PCDH15: variants seen among roughly 807,000 people sequenced by gnomAD.
The protein encoded by PCDH15 is protocadherin related 15, also known as protocadherin-15.
PCDH15 carries 129 observed loss-of-function variants against 178.5 expected under a neutral mutation model. That is an observed-to-expected ratio of 0.72 (90% CI 0.63 to 0.84). PCDH15 has a LOEUF of 0.84. PCDH15 is among the 40% of genes least tolerant of loss of function. The probability of loss-of-function intolerance (pLI) is 0.00; values close to 1 mark genes in which losing one functional copy is unlikely to be tolerated. For synonymous variants in PCDH15, 800 were observed against 732.0 expected (o/e 1.09, Z -1.50); for missense variants, 2,230 against 2,099.9 (o/e 1.06, Z -1.21).
chr10:53,980,274 A>C (rs193068041), intron 21 of PCDH15, among the ~76,000 whole-genome samples: 15 of 152,180 alleles, frequency 9.9e-5, no homozygotes, highest in South Asian at 2.1e-4. Flanking sequence ...CAAGGGGTAA[A>C]AGTAGACATA....
chr10:54,983,953 C>T (rs371603318), intron 2 of PCDH15, among the ~76,000 whole-genome samples: 10 of 152,064 alleles, frequency 6.6e-5, no homozygotes, highest in East Asian at 5.8e-4. Flanking sequence ...GTAGCATAAA[C>T]GCTATATATA....
chr10:55,604,166 A>C lies in PCDH15; in HGVS notation c.-156+23459T>G, dbSNP rs1378981062. On this transcript the variant is annotated intron_variant, in intron 2 of 5. Coordinates refer to the PCDH15 transcript ENST00000613346. Reference sequence around the variant, plus strand: ...ACAAAGAAGGCCATTACATAATGGTAAAGGGATCAATTCAACAAGAAGAGC... The same window carrying C: ...ACAAAGAAGGCCATTACATAATGGTCAAGGGATCAATTCAACAAGAAGAGC... 2.0e-3 allele frequency among the ~76,000 whole-genome samples: 197 copies of C among 96,464 alleles called. 2 individuals are homozygous for C. The highest frequency in any genetic ancestry group is 1.0e-3 in the African/African-American group (24 of 23,852). The allele number at this position is 96,464 out of a possible 152,430, so 63.3% of individuals were successfully genotyped here. A position where few individuals can be genotyped will look rare whatever the true frequency, so the allele number is the denominator to read the frequency against.
At chr10:55,407,233 G>GA (rs1838220023) in intron 2 of PCDH15, among the ~76,000 whole-genome samples, 1 of 151,956 alleles carries the variant, frequency 6.6e-6, no homozygotes. Context: ...TTTTAACTTA[G>GA]AAAAAATAAC....
At chr10:55,345,532 A>G (rs568444317) in intron 2 of PCDH15, among the ~76,000 whole-genome samples, 55 of 152,182 alleles carry the variant, frequency 3.6e-4, no homozygotes, top group Non-Finnish European at 5.9e-4. Context: ...GTACTCTATA[A>G]ATCAGACCTA....
In PCDH15 at chr10:54,520,985, T is replaced by C. The variant is rs1037101765; in HGVS notation, c.157+6827A>G. ...GGACAAAAAAACAAACACCGCATGTTCTCACTCATAGGTGGGAATTGAACA... is the reference window on the plus strand; with the variant it reads ...GGACAAAAAAACAAACACCGCATGTCCTCACTCATAGGTGGGAATTGAACA... On this transcript the variant is annotated intron_variant, in intron 3 of 37. Coordinates refer to ENST00000644397, the MANE Select transcript of PCDH15 (RefSeq NM_001384140.1). Among the ~76,000 whole-genome samples, 7 of 146,670 alleles carry C rather than the reference T, an allele frequency of 4.8e-5. No individual in the cohort carries two copies. In the Admixed American group the frequency reaches 5.0e-4, roughly 10 times the overall value.
chr10:54,978,280 G>A (rs1415900367), intron 2 of PCDH15, among the ~76,000 whole-genome samples: 2 of 152,162 alleles, frequency 1.3e-5, no homozygotes, highest in African/African-American at 2.4e-5. Context: ...TTATACCTGT[G>A]AAGTAGTGGG....
intron 1 of PCDH15, among the ~76,000 whole-genome samples, chr10:54,785,996 A>AT (rs34180183): frequency 6.6e-6 from 1 of 151,854 alleles, no homozygotes; most frequent in African/African-American, 2.4e-5. Context: ...TGGATTCTAC[A>AT]TTTTTTCATT....
At chr10:55,624,631 C>G (rs1298051824) in intron 2 of PCDH15, among the ~76,000 whole-genome samples, 1 of 152,066 alleles carries the variant, frequency 6.6e-6, no homozygotes, top group African/African-American at 2.4e-5. Flanking sequence ...TGTAAAATAG[C>G]ACTGTATATG....
rs146485707 is a variant in PCDH15 at position 55,529,702 on chromosome 10, T to G, written c.-156+97923A>C. Among the ~76,000 whole-genome samples the G allele has an allele frequency of 6.7e-3, 959 of 143,466 alleles. 4 individuals are homozygous for G. Among genetic ancestry groups the G allele is most frequent in the Admixed American group, 0.01 (143 of 13,904 alleles). 94.1% of individuals were successfully genotyped at this position (143,466 alleles called of 152,430 possible). A position where few individuals can be genotyped will look rare whatever the true frequency, so the allele number is the denominator to read the frequency against. ...TGCCTTTAGGGATTATAAATAAATA[T>G]ATATATGTGTGTATATATATATATG... On this transcript the variant is annotated intron_variant, in intron 2 of 5. Transcript: ENST00000613346.
intron 8 of PCDH15, among the ~76,000 whole-genome samples, chr10:54,316,535 C>T (rs943368846): frequency 2.4e-5 from 1 of 41,104 alleles, no homozygotes; most frequent in Non-Finnish European, 4.9e-5. Context: ...TGTATACACA[C>T]ACACACACAC....
intron 2 of PCDH15, among the ~76,000 whole-genome samples, chr10:55,544,163 T>C (rs1841828027): frequency 1.5e-5 from 2 of 136,682 alleles, no homozygotes; most frequent in Non-Finnish European, 3.2e-5. Flanking sequence ...TATATATATA[T>C]ATATATATAT....
At chr10:53,914,293 T>C (rs950630780) in intron 25 of PCDH15, among the ~76,000 whole-genome samples, 5 of 152,188 alleles carry the variant, frequency 3.3e-5, no homozygotes, top group Admixed American at 1.3e-4. Context: ...TAAAGCATGC[T>C]ACTATAAAGA....
At chr10:54,767,620 A>T (rs1755988795) in intron 1 of PCDH15, among the ~76,000 whole-genome samples, 1 of 152,150 alleles carries the variant, frequency 6.6e-6, no homozygotes, top group Non-Finnish European at 1.5e-5. Flanking sequence ...GTCAAATTTA[A>T]TAGTCATAAA....
intron 2 of PCDH15, among the ~76,000 whole-genome samples, chr10:55,470,352 G>GA (rs964258988): frequency 5.0e-4 from 64 of 127,744 alleles, no homozygotes; most frequent in Admixed American, 3.9e-4. Flanking sequence ...TCTCAAAAAA[G>GA]AAAAAAAAAA....
intron 15 of PCDH15, among the ~76,000 whole-genome samples, chr10:54,103,348 G>T (rs996199618): frequency 6.6e-6 from 1 of 152,102 alleles, no homozygotes; most frequent in African/African-American, 2.4e-5. Flanking sequence ...GTCCATTATG[G>T]TAACTACACC....
At chr10:55,538,509 C>T (rs1841650728) in intron 2 of PCDH15, among the ~76,000 whole-genome samples, 1 of 128,096 alleles carries the variant, frequency 7.8e-6, no homozygotes, top group East Asian at 2.6e-4. Context: ...TTCCTTCCTT[C>T]TTTCCTTCCT....
chr10:54,450,130 A>AATAT (rs10526141), intron 3 of PCDH15, among the ~76,000 whole-genome samples: 6,691 of 137,028 alleles, frequency 0.049, 197 homozygotes, highest in Middle Eastern at 0.077. Flanking sequence ...CTTTTTTATA[A>AATAT]ATATATATAT....
At chr10:54,835,304 A>G (rs1450042963) in intron 3 of PCDH15, among the ~76,000 whole-genome samples, 1 of 152,042 alleles carries the variant, frequency 6.6e-6, no homozygotes, top group South Asian at 2.1e-4. Context: ...TAAACCCACA[A>G]ATTTGTCATT....
chr10:53,868,804 T>C (rs774234025), intron 26 of PCDH15, among the ~76,000 whole-genome samples: 8 of 152,146 alleles, frequency 5.3e-5, no homozygotes, highest in African/African-American at 1.2e-4. Context: ...GGATCAGCTG[T>C]TTCATGAATT....
Sources: allele counts gnomAD v4.1 joint callset (sites outside exome capture counted in the v4.1 genomes callset), GRCh38; gene constraint gnomAD v4.1.1; transcripts MANE v1.5; gene names NCBI Gene and HGNC (gene_info 2026-07-23, HGNC 2026-07-21).